EPHB2: variants seen among roughly 807,000 people sequenced by gnomAD.
The protein encoded by EPHB2 is EPH receptor B2.
Under a neutral mutation model 96.4 loss-of-function variants are expected in EPHB2, and 18 were observed. That is an observed-to-expected ratio of 0.19 (90% CI 0.13 to 0.28). The LOEUF (loss-of-function observed/expected upper bound fraction) is 0.28, where lower values mean the gene tolerates loss of function less well. Ranked by LOEUF, EPHB2 falls within the 10% of genes least tolerant of loss-of-function variation. EPHB2 has a pLI of 1.00. For synonymous variants in EPHB2, 506 were observed against 534.1 expected (o/e 0.95, Z 0.72); for missense variants, 989 against 1,355.4 (o/e 0.73, Z 4.25).
In EPHB2 at chr1:22,913,721, G is replaced by T; in HGVS notation, c.*151G>T. The T allele has an allele frequency of 1.2e-5, 19 of 1,602,290 alleles. No individual in the cohort carries two copies. Among genetic ancestry groups the T allele is most frequent in the Non-Finnish European group, 1.5e-5 (18 of 1,174,434 alleles). The stretch of plus-strand genomic sequence containing the variant: ...AACCAAGCGGTGCCAGCCACGAGAC[G>T]TCACCAAGAAAACATGCAACTCAAA... On this transcript the variant is annotated 3_prime_UTR_variant, in exon 16 of 16. Coordinates refer to ENST00000374630, the MANE Select transcript of EPHB2 (RefSeq NM_017449.5). The surrounding 1 kb of genome is among the most constrained non-coding windows in gnomAD (Gnocchi z 4.1).
At chr1:22,857,581 G>A (rs1275581632) in intron 3 of EPHB2, among the ~76,000 whole-genome samples, 1 of 152,114 alleles carries the variant, frequency 6.6e-6, no homozygotes, top group Admixed American at 6.5e-5. Flanking sequence ...CTGGGATACA[G>A]GACTTGCAGT....
At chr1:22,870,197 G>T (rs1638615691) in intron 5 of EPHB2, among the ~76,000 whole-genome samples, 1 of 152,194 alleles carries the variant, frequency 6.6e-6, no homozygotes, top group Non-Finnish European at 1.5e-5. Context: ...GCAATCCCTT[G>T]GCATTCACCG....
chr1:22,779,604 A>G (rs1644500212), intron 1 of EPHB2, among the ~76,000 whole-genome samples: 1 of 152,226 alleles, frequency 6.6e-6, no homozygotes, highest in Admixed American at 6.5e-5. Context: ...CTTGTCATTT[A>G]GCCCAGACCA....
At chr1:22,762,859 A>G (rs991287777) in intron 1 of EPHB2, among the ~76,000 whole-genome samples, 9 of 152,142 alleles carry the variant, frequency 5.9e-5, no homozygotes, top group Admixed American at 4.6e-4. Context: ...GCAGTGGCTC[A>G]TCATAAGGAA....
rs202236327 is a variant in EPHB2, at chr1:22,906,969, C to T, written c.2136+12C>T. 2 of 1,601,312 alleles carry T rather than the reference C, an allele frequency of 1.2e-6. No individual in the cohort carries two copies. The highest frequency in any genetic ancestry group is 1.7e-6 in the Non-Finnish European group (2 of 1,171,606). On this transcript the variant is annotated intron_variant, in intron 11 of 15. Transcript: ENST00000374630. This position sits in a 1 kb window ranked among gnomAD's most constrained non-coding sequence, Gnocchi z 4.8. ...ACTCCTTTCTCCGGGTAGGGGAAGC[C>T]AAGAGGGCCAGGGGCCCATGAATGG...
intron 1 of EPHB2, among the ~76,000 whole-genome samples, chr1:22,772,207 C>T (rs1394470601): frequency 6.6e-6 from 1 of 152,202 alleles, no homozygotes; most frequent in African/African-American, 2.4e-5. Flanking sequence ...AGCAGCCAGG[C>T]TGGCCCGGAG....
chr1:22,798,327 G>A (rs567957797), intron 3 of EPHB2, among the ~76,000 whole-genome samples: 1 of 152,288 alleles, frequency 6.6e-6, no homozygotes, highest in East Asian at 1.9e-4. Context: ...GCGCCCCACA[G>A]GTCTGTCTGT....
At chr1:22,718,559 T>C (rs1328486779) in intron 1 of EPHB2, among the ~76,000 whole-genome samples, 4 of 151,836 alleles carry the variant, frequency 2.6e-5, no homozygotes, top group Non-Finnish European at 5.9e-5. Flanking sequence ...GCTAATTTTT[T>C]GTATATTTTA....
intron 1 of EPHB2, among the ~76,000 whole-genome samples, chr1:22,766,028 C>T (rs949090216): frequency 2.3e-4 from 35 of 152,150 alleles, no homozygotes; most frequent in Admixed American, 1.8e-3. Flanking sequence ...AGGGTCTTCC[C>T]GCCTCCCCGG....
intron 1 of EPHB2, among the ~76,000 whole-genome samples, chr1:22,748,292 C>G (rs985434021): frequency 6.6e-6 from 1 of 152,126 alleles, no homozygotes; most frequent in Non-Finnish European, 1.5e-5. Flanking sequence ...ACTTTGGCTG[C>G]TGGGAAGCTC....
In EPHB2 at chr1:22,867,451, T is replaced by G. The variant is rs548396397; in HGVS notation, c.1303+2239T>G. On this transcript the variant is annotated intron_variant, in intron 5 of 15. Transcript: ENST00000374630. ...GTTTTGTTTGGGAATGTTGGTGGTG[T>G]TGCTGTGGCTGAGAGGGTATGTTTG... Among the ~76,000 whole-genome samples, 3 of 152,294 alleles carry G rather than the reference T, an allele frequency of 2.0e-5. No homozygotes were observed. The East Asian group carries it at 5.8e-4, about 29-fold the overall frequency.
chr1:22,767,897 T>C, intron 1 of EPHB2, among the ~76,000 whole-genome samples: 1 of 152,134 alleles, frequency 6.6e-6, no homozygotes, highest in Non-Finnish European at 1.5e-5. Context: ...AAGATGGTGA[T>C]GGGAAATCAC....
chr1:22,756,728 G>C (rs185308995), intron 1 of EPHB2, among the ~76,000 whole-genome samples: 85 of 152,300 alleles, frequency 5.6e-4, no homozygotes, highest in Admixed American at 2.9e-3. Context: ...GAACAAGGCG[G>C]CACCTGCTGC....
intron 3 of EPHB2, among the ~76,000 whole-genome samples, chr1:22,795,917 C>A (rs1348443646): frequency 6.6e-6 from 1 of 152,196 alleles, no homozygotes; most frequent in Non-Finnish European, 1.5e-5. Flanking sequence ...TCCACACACT[C>A]CTCTTCACAC....
chr1:22,862,648 G>C lies in EPHB2; in HGVS notation c.812-389G>C, dbSNP rs113621342. ...ATCATCTTAATTGTCTGTAACCCAA[G>C]GATCTAGTTCTAAGAATCAGGGCCC... On this transcript the variant is annotated intron_variant, in intron 3 of 15. Transcript: ENST00000374630. Among the ~76,000 whole-genome samples the C allele has an allele frequency of 4.1e-3, 623 of 152,232 alleles. 2 individuals carry two copies. The highest frequency in any genetic ancestry group is 0.024 in the Middle Eastern group (7 of 294).
chr1:22,892,756 G>A (rs1461749780), intron 6 of EPHB2, 128 bp from the exon 7 acceptor site: 1 of 1,178,586 alleles, frequency 8.5e-7, no homozygotes, highest in Non-Finnish European at 1.3e-6. Flanking sequence ...GGGAGGGGAT[G>A]AAGAATTGGG....
chr1:22,890,737 C>T (rs1167027465), intron 6 of EPHB2, among the ~76,000 whole-genome samples: 6 of 152,138 alleles, frequency 3.9e-5, no homozygotes, highest in Admixed American at 6.5e-5. Flanking sequence ...GTGGTTACCC[C>T]CATGCTTTTC....
At chr1:22,820,785 G>A (rs1277605671) in intron 3 of EPHB2, among the ~76,000 whole-genome samples, 1 of 152,214 alleles carries the variant, frequency 6.6e-6, no homozygotes, top group Non-Finnish European at 1.5e-5. Context: ...ACTACACCAA[G>A]AAGTATTTGT....
chr1:22,828,876 A>G (rs923970693), intron 3 of EPHB2, among the ~76,000 whole-genome samples: 1 of 152,272 alleles, frequency 6.6e-6, no homozygotes, highest in African/African-American at 2.4e-5. Flanking sequence ...ATAGACTATT[A>G]AAATTGTAGC....
Sources: allele counts gnomAD v4.1 joint callset (sites outside exome capture counted in the v4.1 genomes callset), GRCh38; gene constraint gnomAD v4.1.1; non-coding constraint Gnocchi (gnomAD v3.1); transcripts MANE v1.5; gene names NCBI Gene and HGNC (gene_info 2026-07-23, HGNC 2026-07-21).